KIDINS220: variants seen among roughly 807,000 people sequenced by gnomAD.
KIDINS220 encodes the protein kinase D interacting substrate 220, also known as kinase D-interacting substrate of 220 kDa.
KIDINS220 carries 63 observed loss-of-function variants against 157.6 expected under a neutral mutation model. The observed-to-expected ratio is 0.40, with a 90% CI of 0.33 to 0.49. KIDINS220 has a LOEUF of 0.49. Ranked by LOEUF, KIDINS220 falls within the 20% of genes least tolerant of loss-of-function variation. The probability of loss-of-function intolerance (pLI) is 0.66; values close to 1 mark genes in which losing one functional copy is unlikely to be tolerated. For synonymous variants in KIDINS220, 732 were observed against 783.6 expected, an observed-to-expected ratio of 0.93 and a Z score of 1.10; for missense variants, 1,772 against 2,171.2, an observed-to-expected ratio of 0.82 and a Z score of 3.65.
intron 17 of KIDINS220, among the ~76,000 whole-genome samples, chr2:8,783,197 C>CAAAA (rs60911954): frequency 1.5e-5 from 2 of 135,048 alleles, no homozygotes; most frequent in African/African-American, 2.9e-5. Flanking sequence ...AACTCCGTCT[C>CAAAA]AAAAAAAAAA....
At position 8,729,699 on chromosome 2, in the gene KIDINS220, T is replaced by TG; in HGVS notation, c.*1020dup. 1.0e-6 allele frequency: 1 copy of TG among 985,032 alleles called. No individual in the cohort carries two copies. The highest frequency in any genetic ancestry group is 1.2e-6 in the Non-Finnish European group (1 of 829,556). 61.0% of individuals were successfully genotyped at this position (985,032 alleles called of 1,614,324 possible). The stretch of plus-strand genomic sequence containing the variant: ...ACTAACATGCTGACTTAGGAACAGA[T>TG]GAAGTAGATAAAGTCTATCCTAGTA... On this transcript the variant is annotated 3_prime_UTR_variant, in exon 30 of 30. Coordinates refer to ENST00000256707, the MANE Select transcript of KIDINS220 (RefSeq NM_020738.4).
chr2:8,734,204 G>A (rs1664553864), intron 28 of KIDINS220, among the ~76,000 whole-genome samples: 1 of 151,760 alleles, frequency 6.6e-6, no homozygotes, highest in Non-Finnish European at 1.5e-5. Flanking sequence ...AGGGTGAGCC[G>A]ACATCACCTG....
downstream of KIDINS220, among the ~76,000 whole-genome samples, chr2:8,727,924 TCTC>T (rs961519612): frequency 2.6e-5 from 4 of 152,196 alleles, no homozygotes; most frequent in African/African-American, 7.2e-5. Context: ...TTTCCAGTCT[TCTC>T]CTGCAGAAAG....
Position 8,734,685 on chromosome 2 carries a change from A to T in KIDINS220, c.3786T>A (p.Asn1262Lys). ...IDELKKEMNM[N>K]FGDWHLFRST... Reference sequence around the variant, plus strand: ...TTCTGAAAAGGTGCCAGTCTCCAAAATTCATATTCATCTCTTTCTTCAGCT... The same window carrying T: ...TTCTGAAAAGGTGCCAGTCTCCAAATTTCATATTCATCTCTTTCTTCAGCT... Residue 1262 changes from asparagine to lysine, a missense_variant, in exon 28 of 30, where the codon AAT becomes AAA. Physicochemically the swap from Asn to Lys is moderately conservative, Grantham distance 94. This residue lies in a region of KIDINS220 where 793 missense variants were observed against 885.5 expected (regional missense o/e 0.90). Coordinates refer to ENST00000256707, the MANE Select transcript of KIDINS220 (RefSeq NM_020738.4). 2 of 1,613,016 alleles carry T rather than the reference A, an allele frequency of 1.2e-6. No individual in the cohort carries two copies. Among genetic ancestry groups the T allele is most frequent in the Non-Finnish European group, 1.7e-6 (2 of 1,179,374 alleles).
chr2:8,781,502 G>A (rs1671725625), intron 17 of KIDINS220, among the ~76,000 whole-genome samples: 1 of 151,636 alleles, frequency 6.6e-6, no homozygotes, highest in Non-Finnish European at 1.5e-5. Context: ...CATTCACCAA[G>A]ATGGACCACA....
At chr2:8,809,703 C>G (rs1382404257) in intron 6 of KIDINS220, among the ~76,000 whole-genome samples, 1 of 151,524 alleles carries the variant, frequency 6.6e-6, no homozygotes, top group East Asian at 1.9e-4. Context: ...CACTTCAAGG[C>G]CAACATGTCT....
Position 8,776,760 on chromosome 2 carries a change from C to T in KIDINS220, c.2836G>A (p.Val946Ile). ...PQTMRRLLNI[V>I]SVTGRLLRAN... Reference sequence around the variant, plus strand: ...AGACAAAAGTCACCTGTCACAGAAACAATATTAAGTAATCTTCTCATGGTC... The same window carrying T: ...AGACAAAAGTCACCTGTCACAGAAATAATATTAAGTAATCTTCTCATGGTC... Residue 946 changes from valine to isoleucine, a missense_variant, in exon 21 of 30, where the codon GTT becomes ATT. By Grantham distance (29) the Val-to-Ile change is conservative. This residue lies in a region of KIDINS220 where 725 missense variants were observed against 1,017.1 expected (regional missense o/e 0.71). Coordinates refer to ENST00000256707, the MANE Select transcript of KIDINS220 (RefSeq NM_020738.4). 6.2e-7 allele frequency: 1 copy of T among 1,613,154 alleles called. No homozygotes were observed. The highest frequency in any genetic ancestry group is 1.3e-5 in the African/African-American group (1 of 74,998).
chr2:8,777,024 G>A (rs1041406523), intron 20 of KIDINS220, 132 bp from the exon 21 acceptor site: 39 of 877,088 alleles, frequency 4.4e-5, no homozygotes, highest in Non-Finnish European at 5.8e-5. Flanking sequence ...ATATCATACA[G>A]TAATAAATTA....
At chr2:8,738,849 G>T (rs896330366) in intron 26 of KIDINS220, among the ~76,000 whole-genome samples, 1 of 152,104 alleles carries the variant, frequency 6.6e-6, no homozygotes, top group Non-Finnish European at 1.5e-5. Context: ...TTTAATTTTT[G>T]CTTTTGATTA....
intron 1 of KIDINS220, 108 bp downstream of exon 1, chr2:8,837,372 C>G (rs1680583493): frequency 6.6e-6 from 1 of 152,264 alleles, no homozygotes; most frequent in Non-Finnish European, 1.5e-5. Context: ...CACTCCTCGG[C>G]TGTCCCACCT....
chr2:8,768,596 C>T (rs1669773364), intron 22 of KIDINS220, among the ~76,000 whole-genome samples: 2 of 152,130 alleles, frequency 1.3e-5, no homozygotes. Flanking sequence ...ATAAATTTTA[C>T]TACTAGCGTT....
intron 22 of KIDINS220, among the ~76,000 whole-genome samples, chr2:8,763,267 T>C (rs187161791): frequency 6.6e-6 from 1 of 152,290 alleles, no homozygotes; most frequent in Admixed American, 6.5e-5. Context: ...TCTCTGCCTC[T>C]TAGGGTTAGA....
At chr2:8,786,834 A>G (rs1002336884) in intron 15 of KIDINS220, among the ~76,000 whole-genome samples, 3 of 152,226 alleles carry the variant, frequency 2.0e-5, no homozygotes, top group African/African-American at 7.2e-5. Flanking sequence ...TAAAAACTCA[A>G]GTTTTAGCAT....
intron 2 of KIDINS220, among the ~76,000 whole-genome samples, chr2:8,821,764 T>C (rs4669341): frequency 1 from 152,093 of 152,388 alleles, 75,901 homozygotes; most frequent in Non-Finnish European, 1. Context: ...TAAAGTTTTA[T>C]AGGATCCCCA....
intron 26 of KIDINS220, among the ~76,000 whole-genome samples, chr2:8,744,810 A>T (rs147886688): frequency 1.6e-3 from 241 of 152,266 alleles, no homozygotes; most frequent in African/African-American, 5.5e-3. Context: ...CTAGGCTTCG[A>T]CAAAACAAAT....
rs189417089 is a variant in KIDINS220 at position 8,747,038 on chromosome 2, C to T, written c.3585+107G>A. The stretch of plus-strand genomic sequence containing the variant: ...TACTCTACACTAGCTGCTCATCACA[C>T]CACAAACGCAGAGTTAGTGAGCTGC... On this transcript the variant is annotated intron_variant, in intron 26 of 29. Coordinates refer to ENST00000256707, the MANE Select transcript of KIDINS220 (RefSeq NM_020738.4). 7.2e-5 allele frequency: 70 copies of T among 970,740 alleles called. No individual in the cohort carries two copies. In the Admixed American group the frequency reaches 1.2e-3, roughly 16 times the overall value. The allele number at this position is 970,740 out of a possible 1,614,324, so 60.1% of individuals were successfully genotyped here.
chr2:8,782,431 C>T (rs1182368631), intron 17 of KIDINS220, among the ~76,000 whole-genome samples: 1 of 152,196 alleles, frequency 6.6e-6, no homozygotes. Flanking sequence ...TCTATGCCCA[C>T]AAATTTGATA....
intron 1 of KIDINS220, among the ~76,000 whole-genome samples, chr2:8,828,694 C>T (rs1445576481): frequency 6.6e-6 from 1 of 152,152 alleles, no homozygotes; most frequent in Non-Finnish European, 1.5e-5. Flanking sequence ...AAAAAGAAAA[C>T]TGATAAACCA....
At chr2:8,726,919 CTA>C, downstream of KIDINS220, 1 of 1,289,090 alleles carries the variant, frequency 7.8e-7, no homozygotes, top group Non-Finnish European at 1.0e-6. Flanking sequence ...GAAGAGCTAT[CTA>C]TCTCAAGGCC....
Sources: gnomAD v4.1 joint callset for allele counts (sites outside exome capture counted in the v4.1 genomes callset) on GRCh38, gnomAD v4.1.1 for gene constraint, gnomAD v4.1.1 regional missense constraint, MANE v1.5 for transcripts, NCBI Gene and HGNC (gene_info 2026-07-23, HGNC 2026-07-21) for gene names.